Variants in KDM4A observed in about 807,000 individuals in gnomAD.
The protein encoded by KDM4A is lysine demethylase 4A, also known as lysine-specific demethylase 4A.
KDM4A carries 23 observed loss-of-function variants against 127.1 expected under a neutral mutation model. The ratio of observed to expected loss-of-function variants is 0.18; its 90% confidence interval spans 0.13 to 0.26. KDM4A has a LOEUF of 0.26. Among genes scored for constraint, KDM4A ranks in the 10% least tolerant of loss-of-function variants. The pLI, the probability that KDM4A is intolerant of heterozygous loss-of-function variation, is 1.00. For synonymous variants in KDM4A, 443 were observed against 466.5 expected (o/e 0.95, Z 0.65); for missense variants, 890 against 1,329.1 (o/e 0.67, Z 5.14).
intron 11 of KDM4A, among the ~76,000 whole-genome samples, chr1:43,681,274 C>T (rs536282515): frequency 1.1e-4 from 16 of 152,236 alleles, no homozygotes; most frequent in Admixed American, 8.5e-4. Context: ...TTCTGGTATT[C>T]CTCTTACCTG....
rs1325919450 is a variant in KDM4A, at chr1:43,688,320, A to G, written c.1856-594A>G. Among the ~76,000 whole-genome samples the G allele has an allele frequency of 6.6e-6, 1 of 152,158 alleles. No homozygotes were observed. The highest frequency in any genetic ancestry group is 2.4e-5 in the African/African-American group (1 of 41,428). On this transcript the variant is annotated intron_variant, in intron 12 of 21. Transcript: ENST00000372396. The surrounding 1 kb of genome is among the most constrained non-coding windows in gnomAD (Gnocchi z 4.4). ...ATCACATCTTGTGGCTGGGAAGAGG[A>G]TTCATCTTGGACATGTAGCTCTGCT...
intron 15 of KDM4A, 44 bp from the exon 16 acceptor site, chr1:43,692,212 G>A (rs920169787): frequency 1.9e-6 from 3 of 1,552,842 alleles, no homozygotes; most frequent in Non-Finnish European, 1.8e-6. Context: ...GAATGTTAAT[G>A]ACTTGGTATT....
intron 11 of KDM4A, among the ~76,000 whole-genome samples, chr1:43,674,439 C>T (rs1357391607): frequency 6.6e-6 from 1 of 152,012 alleles, no homozygotes; most frequent in South Asian, 2.1e-4. Context: ...GCATATGGAG[C>T]TCAGAATGTC....
At chr1:43,704,152 G>A (rs1308755280) in intron 21 of KDM4A, 40 bp downstream of exon 21, 2 of 1,612,876 alleles carry the variant, frequency 1.2e-6, no homozygotes, top group Non-Finnish European at 1.7e-6. Context: ...TGTCTTGGAG[G>A]GAGGGAACAA....
At chr1:43,680,973 G>C (rs1427592598) in intron 11 of KDM4A, among the ~76,000 whole-genome samples, 1 of 152,152 alleles carries the variant, frequency 6.6e-6, no homozygotes, top group East Asian at 1.9e-4. Flanking sequence ...ACAAGCTGCT[G>C]CTTTGCCTAT....
At position 43,664,050 on chromosome 1, in the gene KDM4A, C is replaced by T. The variant is rs893325390; in HGVS notation, c.623+963C>T. On this transcript the variant is annotated intron_variant, in intron 5 of 21. Coordinates refer to ENST00000372396, the MANE Select transcript of KDM4A (RefSeq NM_014663.3). Reference sequence around the variant, plus strand: ...GAGGTAGAAAGTGTGAGAGAATGCTCATACGGTGTGGGGACAGCTCTGAAG... The same window carrying T: ...GAGGTAGAAAGTGTGAGAGAATGCTTATACGGTGTGGGGACAGCTCTGAAG... Among the ~76,000 whole-genome samples the T allele has an allele frequency of 4.6e-5, 7 of 152,276 alleles. No individual in the cohort carries two copies. The East Asian group carries it at 1.4e-3, about 29-fold the overall frequency.
chr1:43,703,159 G>A (rs551504432), intron 19 of KDM4A, among the ~76,000 whole-genome samples: 77 of 152,034 alleles, frequency 5.1e-4, no homozygotes, highest in African/African-American at 1.8e-3. Flanking sequence ...AGCCAGGATG[G>A]TCTTGATCTC....
chr1:43,667,741 C>T (rs1028626125), intron 8 of KDM4A, 31 bp from the exon 9 acceptor site: 3 of 1,613,530 alleles, frequency 1.9e-6, no homozygotes, highest in South Asian at 1.1e-5. Flanking sequence ...AAGGTATGCT[C>T]ACCTGGTGCT....
Position 43,697,865 on chromosome 1 carries a change from G to A in KDM4A, c.2693G>A (p.Ser898Asn), listed in dbSNP as rs1313125110. ...NLERAKGALQ[S>N]ITAGQKVISK... ...CAGCGTGCCAAGGGGGCCTTGCAAA[G>A]CATCACTGCAGGCCAGAAAGTCATT... The change falls in exon 19 of 22, where the codon AGC (serine) becomes AAC (asparagine). Residue 898 changes from serine (S) to asparagine (N), a missense_variant. Transcript: ENST00000372396. The A allele has an allele frequency of 6.2e-7, 1 of 1,613,418 alleles. No individual in the cohort carries two copies. Among genetic ancestry groups the A allele is most frequent in the East Asian group, 2.2e-5 (1 of 44,860 alleles).
At chr1:43,686,250 C>T (rs1257239882) in intron 12 of KDM4A, among the ~76,000 whole-genome samples, 2 of 148,378 alleles carry the variant, frequency 1.3e-5, no homozygotes, top group African/African-American at 5.0e-5. Context: ...CCTCTGCCTC[C>T]TGGTCTCGAA....
rs1034053030 is a variant in KDM4A at position 43,688,636 on chromosome 1, G to A, written c.1856-278G>A. ...ATGTGGCAGCTGTTAAGGGAGAGTA[G>A]AGCAAGCTGAGCTCGTGGGGCAGGA... is the stretch of plus-strand genomic sequence containing the variant. On this transcript the variant is annotated intron_variant, in intron 12 of 21. Coordinates refer to ENST00000372396, the MANE Select transcript of KDM4A (RefSeq NM_014663.3). The surrounding 1 kb of genome is among the most constrained non-coding windows in gnomAD (Gnocchi z 4.4). Among the ~76,000 whole-genome samples, 1 of 152,170 alleles carries A rather than the reference G, an allele frequency of 6.6e-6. No individual in the cohort carries two copies. The highest frequency in any genetic ancestry group is 6.5e-5 in the Admixed American group (1 of 15,284).
chr1:43,688,254 G>GCTGGATTCAGC lies in KDM4A; in HGVS notation c.1856-656_1856-646dup, dbSNP rs1661032296. ...AAACAATTCTTAGCTTCCTCAGTGG[G>GCTGGATTCAGC]CTGGATTCAGCCTGCAGGATATTGT... On this transcript the variant is annotated intron_variant, in intron 12 of 21. Coordinates refer to ENST00000372396, the MANE Select transcript of KDM4A (RefSeq NM_014663.3). This position sits in a 1 kb window ranked among gnomAD's most constrained non-coding sequence, Gnocchi z 4.4. Among the ~76,000 whole-genome samples, 1 of 152,146 alleles carries GCTGGATTCAGC rather than the reference G, an allele frequency of 6.6e-6. No individual in the cohort carries two copies. The highest frequency in any genetic ancestry group is 2.4e-5 in the African/African-American group (1 of 41,424).
At chr1:43,682,984 C>G (rs1660891676) in intron 11 of KDM4A, among the ~76,000 whole-genome samples, 1 of 152,212 alleles carries the variant, frequency 6.6e-6, no homozygotes, top group Admixed American at 6.5e-5. Context: ...CTGAGTCAAT[C>G]CTGTACATTT....
intron 4 of KDM4A, 52 bp downstream of exon 4, chr1:43,660,464 C>T (rs1360923821): frequency 2.6e-6 from 4 of 1,543,192 alleles, no homozygotes; most frequent in African/African-American, 1.4e-5. Context: ...TTTGTAATAC[C>T]TTTTTTTCGG....
intron 15 of KDM4A, 89 bp downstream of exon 15, chr1:43,691,661 A>C: frequency 8.9e-7 from 1 of 1,121,942 alleles, no homozygotes; most frequent in Non-Finnish European, 1.4e-6. Flanking sequence ...CAGTATTCCC[A>C]GCAGTCTGCA....
intron 5 of KDM4A, among the ~76,000 whole-genome samples, chr1:43,663,562 T>C (rs1660433050): frequency 6.6e-6 from 1 of 152,170 alleles, no homozygotes; most frequent in African/African-American, 2.4e-5. Flanking sequence ...TTATTCTTGT[T>C]GGTGAGACAA....
intron 11 of KDM4A, among the ~76,000 whole-genome samples, chr1:43,683,234 C>T (rs1371869063): frequency 6.6e-6 from 1 of 152,224 alleles, no homozygotes; most frequent in African/African-American, 2.4e-5. Context: ...CTTTGGGTGT[C>T]CCCTAGACAC....
intron 10 of KDM4A, among the ~76,000 whole-genome samples, chr1:43,670,425 C>T (rs1457302437): frequency 2.0e-5 from 3 of 151,978 alleles, no homozygotes; most frequent in Non-Finnish European, 2.9e-5. Flanking sequence ...GTTTTAGAAA[C>T]GGGGTCTTAC....
intron 1 of KDM4A, chr1:43,650,532 G>A (rs932336721): frequency 1.3e-5 from 2 of 152,316 alleles, no homozygotes; most frequent in African/African-American, 2.4e-5. Context: ...GGGCCGGGAG[G>A]GGCCGAACCT....
Sources: allele counts gnomAD v4.1 joint callset (sites outside exome capture counted in the v4.1 genomes callset), GRCh38; gene constraint gnomAD v4.1.1; non-coding constraint Gnocchi (gnomAD v3.1); transcripts MANE v1.5; gene names NCBI Gene and HGNC (gene_info 2026-07-23, HGNC 2026-07-21).